Variants in EFHC2 observed in about 807,000 individuals in gnomAD.
EFHC2 encodes EF-hand domain-containing family member C2.
A neutral mutation model predicts 52.7 loss-of-function variants in EFHC2; 18 were observed. The ratio of observed to expected loss-of-function variants is 0.34; its 90% CI spans 0.24 to 0.51. The LOEUF (loss-of-function observed/expected upper bound fraction) is 0.51, where lower values mean the gene tolerates loss of function less well. Ranked by LOEUF, EFHC2 falls within the 20% of genes least tolerant of loss-of-function variation. The probability of loss-of-function intolerance (pLI) is 0.97; values close to 1 mark genes in which losing one functional copy is unlikely to be tolerated. For synonymous variants in EFHC2, 203 were observed against 204.1 expected (o/e 0.99, Z 0.04); for missense variants, 513 against 562.5 (o/e 0.91, Z 0.89).
At chrX:44,160,727 G>A (rs6520912) in intron 14 of EFHC2, among the ~76,000 whole-genome samples, 26,902 of 110,016 alleles carry the variant, frequency 0.24, 2,450 homozygotes, top group Middle Eastern at 0.35. Flanking sequence ...CAAGACCAGC[G>A]TGGCCAACAT....
chrX:44,310,320 G>T, intron 2 of EFHC2: 1 of 914,982 alleles, frequency 1.1e-6, no homozygotes, highest in Non-Finnish European at 1.6e-6. Context: ...GCGGGCTCCT[G>T]GAAGATCCTC....
chrX:44,238,134 A>C (rs1380207941), intron 8 of EFHC2, among the ~76,000 whole-genome samples: 1 of 111,073 alleles, frequency 9.0e-6, no homozygotes, highest in Non-Finnish European at 1.9e-5. Context: ...CCCTATCTCC[A>C]GTCTTTCTCA....
At chrX:44,201,757 GC>G (rs1305328975) in intron 11 of EFHC2, among the ~76,000 whole-genome samples, 3 of 111,873 alleles carry the variant, frequency 2.7e-5, no homozygotes, top group Admixed American at 9.5e-5. Flanking sequence ...TTTACAAGCT[GC>G]TTTAAGAAAC....
At position 44,248,827 on chromosome X, in the gene EFHC2, A is replaced by G. The variant is rs1330939839; in HGVS notation, c.948T>C (p.Asp316=). The change falls in exon 6 of 15, where the codon GAT becomes GAC. Residue 316 remains aspartate, a synonymous_variant. Transcript: ENST00000420999. ...CCTTATATCTATCGAACAGGTAGCC[A>G]TCCGCTTGGTTCTTTATAAAGTCAC... ...SYGDFIKNQA[D]GYLFDRYKLG... 3.3e-6 allele frequency: 4 copies of G among 1,207,932 alleles called. No individual in the cohort carries two copies. In the African/African-American group the frequency reaches 5.3e-5, roughly 16 times the overall value.
At chrX:44,278,237 C>T (rs1413391697) in intron 2 of EFHC2, among the ~76,000 whole-genome samples, 3 of 111,722 alleles carry the variant, frequency 2.7e-5, no homozygotes, top group East Asian at 2.8e-4. Context: ...TAGCCAGGCA[C>T]GGTGGTGGAC....
chrX:44,314,725 G>A lies in EFHC2; in HGVS notation c.43-1969C>T, dbSNP rs144345826. Among the ~76,000 whole-genome samples the A allele has an allele frequency of 4.7e-3, 523 of 111,639 alleles. 1 individual carries two copies. Among genetic ancestry groups the A allele is most frequent in the Non-Finnish European group, 6.7e-3 (355 of 53,109 alleles). On this transcript the variant is annotated intron_variant, in intron 1 of 14. Coordinates refer to ENST00000420999, the MANE Select transcript of EFHC2 (RefSeq NM_025184.4). ...AAAGTTGGGTTTCAGAAAATGAATC[G>A]TAGAATAATATAGAATTCAATAATG...
chrX:44,245,957 A>C (rs963071378), intron 7 of EFHC2, among the ~76,000 whole-genome samples: 3 of 111,520 alleles, frequency 2.7e-5, no homozygotes, highest in Admixed American at 9.5e-5. Context: ...GCTGCTTGTC[A>C]GATCCTTCCT....
intron 1 of EFHC2, among the ~76,000 whole-genome samples, chrX:44,318,885 A>G (rs2037998647): frequency 9.0e-6 from 1 of 111,592 alleles, no homozygotes; most frequent in African/African-American, 3.3e-5. Flanking sequence ...ATAGGCAACA[A>G]GGAGCCATTA....
At chrX:44,261,634 A>G (rs1230620660) in intron 3 of EFHC2, among the ~76,000 whole-genome samples, 1 of 107,880 alleles carries the variant, frequency 9.3e-6, no homozygotes, top group Non-Finnish European at 1.9e-5. Context: ...CGCTGCCATC[A>G]TGTCTTTTCC....
intron 1 of EFHC2, among the ~76,000 whole-genome samples, chrX:44,324,567 TAC>T (rs1372016776): frequency 2.7e-5 from 3 of 110,062 alleles, no homozygotes; most frequent in East Asian, 2.8e-4. Flanking sequence ...AACCCCTGCA[TAC>T]ACACACACAC....
Position 44,322,361 on chromosome X carries a change from G to C in EFHC2, c.43-9605C>G, listed in dbSNP as rs150599937. Among the ~76,000 whole-genome samples, 835 of 112,276 alleles carry C rather than the reference G, an allele frequency of 7.4e-3. 5 individuals are homozygous for C. The highest frequency in any genetic ancestry group is 0.025 in the African/African-American group (772 of 30,916). Reference sequence around the variant, plus strand: ...AGTAGGTGTTCAATGAGCATCTATCGAATGAATAGAACATAAGCTGTGGAT... The same window carrying C: ...AGTAGGTGTTCAATGAGCATCTATCCAATGAATAGAACATAAGCTGTGGAT... On this transcript the variant is annotated intron_variant, in intron 1 of 14. Transcript: ENST00000420999.
intron 1 of EFHC2, among the ~76,000 whole-genome samples, chrX:44,337,716 C>T (rs1187197905): frequency 1.8e-5 from 2 of 112,167 alleles, no homozygotes; most frequent in Non-Finnish European, 3.8e-5. Flanking sequence ...AAATTCGGAA[C>T]TGGCCATATG....
At chrX:44,287,537 A>G (rs757249963) in intron 2 of EFHC2, among the ~76,000 whole-genome samples, 1 of 112,584 alleles carries the variant, frequency 8.9e-6, no homozygotes, top group African/African-American at 3.2e-5. Context: ...TGAGTGAGGT[A>G]AAGAACAGTT....
At chrX:44,218,365 GA>G (rs965807106) in intron 11 of EFHC2, among the ~76,000 whole-genome samples, 2 of 107,932 alleles carry the variant, frequency 1.9e-5, no homozygotes, top group South Asian at 3.9e-4. Context: ...CATAGAATAA[GA>G]AAAAAAAAGT....
chrX:44,250,434 G>A lies in EFHC2; in HGVS notation c.618C>T (p.His206=), dbSNP rs369447754. 1.8e-5 allele frequency: 21 copies of A among 1,194,745 alleles called. No homozygotes were observed. Among genetic ancestry groups the A allele is most frequent in the South Asian group, 9.3e-5 (5 of 53,983 alleles). ...ATTCGTAGGGACGTAAGGGCTCTAC[G>A]TGTTCTACAACCTGCAAATGGAGAA... ...YMKIRREVVE[H]VEPLRPYESL... Residue 206 remains histidine (H), a synonymous_variant, in exon 5 of 15, where the codon CAC becomes CAT. Transcript: ENST00000420999.
intron 13 of EFHC2, among the ~76,000 whole-genome samples, chrX:44,167,650 C>T (rs2036706278): frequency 8.9e-6 from 1 of 112,178 alleles, no homozygotes; most frequent in South Asian, 3.7e-4. Context: ...GTTCATCTTT[C>T]CAAAATCCCA....
chrX:44,235,476 C>A, intron 8 of EFHC2, 29 bp from the exon 9 acceptor site: 1 of 1,143,073 alleles, frequency 8.7e-7, no homozygotes, highest in Non-Finnish European at 1.2e-6. Flanking sequence ...AGAGTTAGAG[C>A]ATTATACAGG....
chrX:44,299,680 G>C (rs904350272), intron 2 of EFHC2, among the ~76,000 whole-genome samples: 1 of 111,979 alleles, frequency 8.9e-6, no homozygotes, highest in Non-Finnish European at 1.9e-5. Context: ...ACCTCCTCAG[G>C]CTGTCACAGG....
intron 11 of EFHC2, among the ~76,000 whole-genome samples, chrX:44,209,858 C>T (rs751392175): frequency 2.7e-4 from 30 of 109,683 alleles, no homozygotes; most frequent in Non-Finnish European, 5.3e-4. Flanking sequence ...GGAGTGCAAA[C>T]CTTTTCGTGA....
Sources: gnomAD v4.1 joint callset for allele counts (sites outside exome capture counted in the v4.1 genomes callset) on GRCh38, gnomAD v4.1.1 for gene constraint, MANE v1.5 for transcripts, NCBI Gene and HGNC (gene_info 2026-07-23, HGNC 2026-07-21) for gene names.